Variants in NALCN observed in about 807,000 individuals in gnomAD.
NALCN encodes sodium leak channel NALCN.
In NALCN, 111 loss-of-function variants were observed where a neutral mutation model predicts 225.3. The ratio of observed to expected loss-of-function variants is 0.49; its 90% CI spans 0.42 to 0.58. The LOEUF (loss-of-function observed/expected upper bound fraction) is 0.58, where lower values mean the gene tolerates loss of function less well. NALCN is among the 20% of genes least tolerant of loss of function. The pLI is 0.00. For missense variants in NALCN, 1,378 were observed against 2,202.4 expected (o/e 0.63, Z 7.49); for synonymous variants, 764 against 769.0 (o/e 0.99, Z 0.11).
chr13:101,213,842 G>A (rs1031094017), intron 13 of NALCN, among the ~76,000 whole-genome samples: 10 of 152,202 alleles, frequency 6.6e-5, no homozygotes, highest in Admixed American at 6.5e-4. Context: ...TACACTGTTG[G>A]TGGGACTGTA....
chr13:101,102,546 C>G (rs1307930720), intron 26 of NALCN, among the ~76,000 whole-genome samples: 1 of 152,124 alleles, frequency 6.6e-6, no homozygotes, highest in Non-Finnish European at 1.5e-5. Context: ...AACAATGAGC[C>G]TCTTTCTTGT....
In NALCN at chr13:101,170,066, C is replaced by T. The variant is rs117986444; in HGVS notation, c.1839+6234G>A. 5.8e-3 allele frequency among the ~76,000 whole-genome samples: 873 copies of T among 151,174 alleles called. 5 individuals are homozygous for T. The highest frequency in any genetic ancestry group is 7.4e-3 in the African/African-American group (305 of 41,384). On this transcript the variant is annotated intron_variant, in intron 15 of 43. Coordinates refer to ENST00000251127, the MANE Select transcript of NALCN (RefSeq NM_052867.4). Reference sequence around the variant, plus strand: ...CAATCTGGAATGAACTCAATATAGGCGACAAAATGGACATGCAAATGAGAG... The same window carrying T: ...CAATCTGGAATGAACTCAATATAGGTGACAAAATGGACATGCAAATGAGAG...
intron 13 of NALCN, among the ~76,000 whole-genome samples, chr13:101,228,561 C>T (rs1221426793): frequency 6.6e-6 from 1 of 152,180 alleles, no homozygotes; most frequent in Non-Finnish European, 1.5e-5. Context: ...GCTTGGCTCT[C>T]ATTCTCTCTT....
At chr13:101,349,139 C>T (rs540334793) in intron 6 of NALCN, among the ~76,000 whole-genome samples, 1 of 152,116 alleles carries the variant, frequency 6.6e-6, no homozygotes, top group Non-Finnish European at 1.5e-5. Context: ...CATGTTTAAA[C>T]GGGTTTCAAG....
chr13:101,399,574 G>T (rs941156624), intron 1 of NALCN, among the ~76,000 whole-genome samples: 1 of 152,138 alleles, frequency 6.6e-6, no homozygotes, highest in African/African-American at 2.4e-5. Context: ...CTTCCCCATG[G>T]TTTCCCCAGT....
intron 10 of NALCN, among the ~76,000 whole-genome samples, chr13:101,280,880 C>T (rs1171286883): frequency 9.2e-6 from 1 of 108,128 alleles, no homozygotes; most frequent in Non-Finnish European, 1.8e-5. Flanking sequence ...TTCTCTCTCT[C>T]TCTTTTTTTT....
At chr13:101,108,007 T>C (rs1390590646) in intron 20 of NALCN, among the ~76,000 whole-genome samples, 1 of 148,644 alleles carries the variant, frequency 6.7e-6, no homozygotes, top group Non-Finnish European at 1.5e-5. Flanking sequence ...CAAATATGTA[T>C]ATTTACACTA....
intron 14 of NALCN, among the ~76,000 whole-genome samples, chr13:101,183,876 A>C (rs2039343768): frequency 6.6e-6 from 1 of 152,138 alleles, no homozygotes; most frequent in African/African-American, 2.4e-5. Context: ...AACCCTGCTA[A>C]GTACATGTAT....
intron 11 of NALCN, among the ~76,000 whole-genome samples, 178 bp from the exon 12 acceptor site, chr13:101,238,100 G>T (rs959366133): frequency 6.6e-6 from 1 of 151,848 alleles, no homozygotes; most frequent in Non-Finnish European, 1.5e-5. Flanking sequence ...CTAGAACACA[G>T]TAGACCAAAG....
chr13:101,346,087 C>CTATA lies in NALCN; in HGVS notation c.645-671_645-668dup, dbSNP rs71121188. ...TCTCTCTCTCTCTCTCTCTCTCTCT[C>CTATA]TATATATATATATATATATATATAT... is the stretch of plus-strand genomic sequence containing the variant. On this transcript the variant is annotated intron_variant, in intron 6 of 43. Coordinates refer to ENST00000251127, the MANE Select transcript of NALCN (RefSeq NM_052867.4). 7.1e-3 allele frequency among the ~76,000 whole-genome samples: 505 copies of CTATA among 70,910 alleles called. 9 individuals carry two copies. The highest frequency in any genetic ancestry group is 0.011 in the African/African-American group (192 of 17,808). The allele number at this position is 70,910 out of a possible 152,430, so 46.5% of individuals were successfully genotyped here. A position where few individuals can be genotyped will look rare whatever the true frequency, so the allele number is the denominator to read the frequency against.
chr13:101,171,514 C>T (rs1219004187), intron 15 of NALCN, among the ~76,000 whole-genome samples: 2 of 151,828 alleles, frequency 1.3e-5, no homozygotes, highest in South Asian at 2.1e-4. Flanking sequence ...CTACGTACTT[C>T]AATATGGGGG....
Position 101,160,914 on chromosome 13 carries a change from T to C in NALCN, c.1839+15386A>G, listed in dbSNP as rs997847715. On this transcript the variant is annotated intron_variant, in intron 15 of 43. Coordinates refer to ENST00000251127, the MANE Select transcript of NALCN (RefSeq NM_052867.4). ...CCTGAGATACAGAAAATGTTGACTA[T>C]TTGCAATGGAACTGAAAGTGAAAAT... Among the ~76,000 whole-genome samples, 8 of 152,150 alleles carry C rather than the reference T, an allele frequency of 5.3e-5. No individual in the cohort carries two copies. In the East Asian group the frequency reaches 1.5e-3, roughly 29 times the overall value.
At chr13:101,397,719 A>G (rs925164571) in intron 2 of NALCN, among the ~76,000 whole-genome samples, 5 of 151,904 alleles carry the variant, frequency 3.3e-5, no homozygotes, top group African/African-American at 1.2e-4. Flanking sequence ...CACACGACCT[A>G]CAATGTATAT....
chr13:101,298,628 G>T (rs2043841066), intron 7 of NALCN, among the ~76,000 whole-genome samples: 1 of 152,080 alleles, frequency 6.6e-6, no homozygotes, highest in Non-Finnish European at 1.5e-5. Flanking sequence ...TTAAACTGCA[G>T]AACTAATGAA....
intron 15 of NALCN, among the ~76,000 whole-genome samples, chr13:101,175,721 T>G (rs1487043377): frequency 6.6e-6 from 1 of 152,238 alleles, no homozygotes; most frequent in Admixed American, 6.5e-5. Flanking sequence ...TGATTGACGA[T>G]AGCTGTAATC....
At position 101,144,839 on chromosome 13, in the gene NALCN, T is replaced by C. The variant is rs1258075482; in HGVS notation, c.1897A>G (p.Ile633Val). The C allele has an allele frequency of 2.5e-6, 4 of 1,613,672 alleles. No homozygotes were observed. The highest frequency in any genetic ancestry group is 2.2e-5 in the South Asian group (2 of 91,016). ...GGTCTGTTTGGAAATTTTTCAAAGA[T>C]TCGCAGGCGTAAAGGGAGCTTTTCT... ...TKEKLPLRLR[I>V]FEKFPNRPQM... The change falls in exon 16 of 44, where the codon ATC becomes GTC. Residue 633 changes from isoleucine (I) to valine (V), a missense_variant. Transcript: ENST00000251127.
chr13:101,148,377 G>A (rs78132574), intron 15 of NALCN, among the ~76,000 whole-genome samples: 5,037 of 152,216 alleles, frequency 0.033, 160 homozygotes, highest in Middle Eastern at 0.092. Context: ...CTGGGCCTGC[G>A]TGTTTCTGTG....
intron 3 of NALCN, 99 bp downstream of exon 3, chr13:101,395,083 GA>G (rs2047249479): frequency 1.7e-6 from 2 of 1,170,118 alleles, no homozygotes; most frequent in Admixed American, 5.3e-5. Flanking sequence ...AAGATAAAAT[GA>G]TGTTTTGTTT....
chr13:101,108,601 G>C (rs2035268562), intron 20 of NALCN, among the ~76,000 whole-genome samples: 1 of 152,290 alleles, frequency 6.6e-6, no homozygotes, highest in East Asian at 1.9e-4. Flanking sequence ...GCAGGCTGTG[G>C]TAGGACTACA....
Sources: gnomAD v4.1 joint callset for allele counts (sites outside exome capture counted in the v4.1 genomes callset) on GRCh38, gnomAD v4.1.1 for gene constraint, MANE v1.5 for transcripts, NCBI Gene and HGNC (gene_info 2026-07-23, HGNC 2026-07-21) for gene names.